Variants in ICA1 observed in about 807,000 individuals in gnomAD.
The protein encoded by ICA1 is 69 kDa islet cell autoantigen.
Under a neutral mutation model 71.0 loss-of-function variants are expected in ICA1, and 40 were observed. That is an observed-to-expected ratio of 0.56 (90% confidence interval 0.44 to 0.73). The LOEUF is 0.73. Among genes scored for constraint, ICA1 ranks in the 30% least tolerant of loss-of-function variants. The probability of loss-of-function intolerance (pLI) is 0.00; values close to 1 mark genes in which losing one functional copy is unlikely to be tolerated. For synonymous variants in ICA1, 207 were observed against 209.5 expected (o/e 0.99, Z 0.10); for missense variants, 578 against 576.5 (o/e 1.00, Z -0.03).
At chr7:8,148,505 G>A (rs2128148893) in intron 8 of ICA1, among the ~76,000 whole-genome samples, 1 of 152,108 alleles carries the variant, frequency 6.6e-6, no homozygotes, top group South Asian at 2.1e-4. Flanking sequence ...TGATGTTTTT[G>A]TGACCATAAA....
At chr7:8,197,088 AT>A (rs1423075469) in intron 6 of ICA1, among the ~76,000 whole-genome samples, 1 of 151,870 alleles carries the variant, frequency 6.6e-6, no homozygotes, top group Admixed American at 6.6e-5. Context: ...AATATATATA[AT>A]TTTTCTACAC....
At chr7:8,133,612 T>A (rs972401360) in intron 12 of ICA1, among the ~76,000 whole-genome samples, 2 of 152,216 alleles carry the variant, frequency 1.3e-5, no homozygotes, top group Non-Finnish European at 2.9e-5. Context: ...AGGCTGGCTG[T>A]GAGATTACTC....
intron 1 of ICA1, among the ~76,000 whole-genome samples, chr7:8,243,685 A>G (rs1804830150): frequency 6.6e-6 from 1 of 152,230 alleles, no homozygotes; most frequent in African/African-American, 2.4e-5. Flanking sequence ...CTCAGCCCCA[A>G]ATCTCCTTAA....
chr7:8,256,938 G>T (rs1216232727), intron 1 of ICA1, among the ~76,000 whole-genome samples: 2 of 152,188 alleles, frequency 1.3e-5, no homozygotes, highest in African/African-American at 4.8e-5. Context: ...AACCCATTTT[G>T]CAAGTGAGAA....
chr7:8,136,981 G>A (rs982517931), intron 12 of ICA1, among the ~76,000 whole-genome samples: 1 of 151,924 alleles, frequency 6.6e-6, no homozygotes, highest in African/African-American at 2.4e-5. Context: ...GTGAAAAAAT[G>A]CATGACTACT....
At chr7:8,140,944 G>C (rs138321479) in intron 10 of ICA1, among the ~76,000 whole-genome samples, 1 of 152,364 alleles carries the variant, frequency 6.6e-6, no homozygotes, top group African/African-American at 2.4e-5. Context: ...TACCACACCA[G>C]AGGGTGAAGC....
chr7:8,121,867 C>A (rs976290484), intron 13 of ICA1, among the ~76,000 whole-genome samples: 6 of 152,108 alleles, frequency 3.9e-5, no homozygotes, highest in African/African-American at 1.4e-4. Flanking sequence ...ATCTCACATA[C>A]CCCATAAATA....
intron 6 of ICA1, among the ~76,000 whole-genome samples, chr7:8,159,352 T>G (rs1802847941): frequency 6.6e-6 from 1 of 152,218 alleles, no homozygotes; most frequent in African/African-American, 2.4e-5. Flanking sequence ...TTCAGAAACA[T>G]CTATTTTACA....
chr7:8,237,798 G>C (rs1471058606), intron 1 of ICA1, among the ~76,000 whole-genome samples: 1 of 149,466 alleles, frequency 6.7e-6, no homozygotes, highest in Non-Finnish European at 1.5e-5. Flanking sequence ...ATATTGCATT[G>C]TATATGCAAT....
At chr7:8,206,772 C>T (rs1200383531) in intron 6 of ICA1, among the ~76,000 whole-genome samples, 2 of 150,134 alleles carry the variant, frequency 1.3e-5, no homozygotes, top group Non-Finnish European at 2.9e-5. Flanking sequence ...GAACAAGATC[C>T]TAAATGTAAC....
intron 6 of ICA1, among the ~76,000 whole-genome samples, chr7:8,191,973 ATT>A (rs1785805173): frequency 1.3e-5 from 2 of 152,244 alleles, no homozygotes; most frequent in Admixed American, 6.5e-5. Context: ...ACATTACTAC[ATT>A]TGTTTCATTT....
chr7:8,260,794 G>C (rs1812045437), intron 1 of ICA1, among the ~76,000 whole-genome samples: 1 of 152,190 alleles, frequency 6.6e-6, no homozygotes, highest in South Asian at 2.1e-4. Context: ...TAGAGAGTGT[G>C]TGTTTTAAAC....
chr7:8,196,429 G>T lies in ICA1; in HGVS notation c.579+21876C>A, dbSNP rs1442439342. Among the ~76,000 whole-genome samples, 3 of 152,160 alleles carry T rather than the reference G, an allele frequency of 2.0e-5. 1 individual carries two copies. The highest frequency in any genetic ancestry group is 4.4e-5 in the Non-Finnish European group (3 of 68,022). ...TACCCATATGCTACTAGAATGGTGG[G>T]TACATGTCACTATACATTTGTCAAA... On this transcript the variant is annotated intron_variant, in intron 6 of 13. Coordinates refer to ENST00000402384, the MANE Select transcript of ICA1 (RefSeq NM_001136020.3).
At chr7:8,169,554 T>C (rs1300603196) in intron 6 of ICA1, among the ~76,000 whole-genome samples, 1 of 152,098 alleles carries the variant, frequency 6.6e-6, no homozygotes, top group Non-Finnish European at 1.5e-5. Context: ...ATTCAAGCCA[T>C]TATAGTCATA....
At chr7:8,210,662 CTG>C (rs1793411922) in intron 6 of ICA1, among the ~76,000 whole-genome samples, 1 of 152,008 alleles carries the variant, frequency 6.6e-6, no homozygotes, top group Non-Finnish European at 1.5e-5. Context: ...AAAAAAATCC[CTG>C]AACACAAAGG....
Position 8,130,160 on chromosome 7 carries a change from C to T in ICA1, c.1061-2018G>A, listed in dbSNP as rs191484168. On this transcript the variant is annotated intron_variant, in intron 12 of 13. Transcript: ENST00000402384. The surrounding 1 kb of genome is among the most constrained non-coding windows in gnomAD (Gnocchi z 4.2). Reference sequence around the variant, plus strand: ...TGCTGCTAGTGCCGCAATAAACATACGTGGGCATGTGTCTTTATAGCAGCA... The same window carrying T: ...TGCTGCTAGTGCCGCAATAAACATATGTGGGCATGTGTCTTTATAGCAGCA... Among the ~76,000 whole-genome samples the T allele has an allele frequency of 7.9e-5, 12 of 152,154 alleles. No individual in the cohort carries two copies. The highest frequency in any genetic ancestry group is 2.1e-4 in the South Asian group (1 of 4,830).
intron 12 of ICA1, among the ~76,000 whole-genome samples, chr7:8,129,776 A>C (rs1227374317): frequency 6.6e-6 from 1 of 152,068 alleles, no homozygotes; most frequent in South Asian, 2.1e-4. Context: ...ATATGTATAC[A>C]TGTGCCATGC....
chr7:8,149,888 CAG>C (rs1798217676), intron 8 of ICA1, among the ~76,000 whole-genome samples: 1 of 152,128 alleles, frequency 6.6e-6, no homozygotes, highest in Non-Finnish European at 1.5e-5. Context: ...AAAATAAAAA[CAG>C]AGGCCACAGT....
At chr7:8,134,527 T>C (rs1438036863) in intron 12 of ICA1, among the ~76,000 whole-genome samples, 1 of 152,162 alleles carries the variant, frequency 6.6e-6, no homozygotes, top group African/African-American at 2.4e-5. Flanking sequence ...GAAGACTCCA[T>C]CTCTCTGGTT....
Sources: gnomAD v4.1 joint callset for allele counts (sites outside exome capture counted in the v4.1 genomes callset) on GRCh38, gnomAD v4.1.1 for gene constraint, Gnocchi (gnomAD v3.1) non-coding constraint, MANE v1.5 for transcripts, NCBI Gene and HGNC (gene_info 2026-07-23, HGNC 2026-07-21) for gene names.